Variants in PRKG1 observed in about 807,000 individuals in gnomAD.
The protein encoded by PRKG1 is protein kinase cGMP-dependent 1, also known as cGMP-dependent protein kinase 1.
Under a neutral mutation model 88.1 loss-of-function variants are expected in PRKG1, and 35 were observed. The observed-to-expected ratio is 0.40, with a 90% confidence interval of 0.30 to 0.53. PRKG1 has a LOEUF of 0.53. Among genes scored for constraint, PRKG1 ranks in the 20% least tolerant of loss-of-function variants. The pLI is 0.59. For missense variants in PRKG1, 540 were observed against 839.8 expected, an observed-to-expected ratio of 0.64 and a Z score of 4.41; for synonymous variants, 303 against 292.5, an observed-to-expected ratio of 1.04 and a Z score of -0.37.
chr10:51,211,923 A>G (rs960152613), intron 2 of PRKG1, among the ~76,000 whole-genome samples: 1 of 152,218 alleles, frequency 6.6e-6, no homozygotes, highest in African/African-American at 2.4e-5. Context: ...TGCCATCCCC[A>G]TCAAGCTAAC....
chr10:51,708,237 A>G (rs1841658455), intron 3 of PRKG1, among the ~76,000 whole-genome samples: 1 of 152,124 alleles, frequency 6.6e-6, no homozygotes, highest in South Asian at 2.1e-4. Flanking sequence ...TGCTGTGTGC[A>G]TGCACTCTGG....
intron 2 of PRKG1, among the ~76,000 whole-genome samples, chr10:51,173,650 A>G (rs1837113218): frequency 6.6e-6 from 1 of 151,950 alleles, no homozygotes; most frequent in Non-Finnish European, 1.5e-5. Flanking sequence ...CTTGCCTGTA[A>G]CTAAAATGAA....
intron 2 of PRKG1, among the ~76,000 whole-genome samples, chr10:51,154,953 AACT>A: frequency 6.6e-6 from 1 of 152,156 alleles, no homozygotes; most frequent in Admixed American, 6.6e-5. Context: ...ATATCTTAAG[AACT>A]ACTAACAATT....
intron 9 of PRKG1, among the ~76,000 whole-genome samples, chr10:52,179,529 T>C (rs771665578): frequency 1.2e-4 from 19 of 152,124 alleles, no homozygotes; most frequent in Non-Finnish European, 2.1e-4. Context: ...TCATTCTTTG[T>C]TTTTTGCTTT....
At chr10:51,370,495 A>AGTGT (rs1301923110) in intron 2 of PRKG1, among the ~76,000 whole-genome samples, 3 of 128,580 alleles carry the variant, frequency 2.3e-5, no homozygotes, top group Non-Finnish European at 3.4e-5. Flanking sequence ...AGAGAGAGAG[A>AGTGT]GTGTGTGTGT....
At chr10:51,894,862 G>A (rs1564696969) in intron 4 of PRKG1, among the ~76,000 whole-genome samples, 1 of 152,050 alleles carries the variant, frequency 6.6e-6, no homozygotes, top group Non-Finnish European at 1.5e-5. Context: ...TTATTTTATG[G>A]CAGCTATCTG....
chr10:51,830,439 T>C (rs1362493812), intron 4 of PRKG1, among the ~76,000 whole-genome samples: 1 of 152,126 alleles, frequency 6.6e-6, no homozygotes, highest in Non-Finnish European at 1.5e-5. Context: ...AGGTCATACA[T>C]ACACATTCAC....
At chr10:52,001,229 A>G (rs1844587536) in intron 5 of PRKG1, among the ~76,000 whole-genome samples, 1 of 151,810 alleles carries the variant, frequency 6.6e-6, no homozygotes, top group South Asian at 2.1e-4. Flanking sequence ...ACTTTTCTTT[A>G]CCCATTCATC....
intron 3 of PRKG1, chr10:51,697,682 A>AT: frequency 6.2e-7 from 1 of 1,612,234 alleles, no homozygotes; most frequent in Non-Finnish European, 8.5e-7. Context: ...CTACAGCCAA[A>AT]TATTTTCTAA....
intron 5 of PRKG1, among the ~76,000 whole-genome samples, chr10:51,997,045 C>G (rs1368524096): frequency 6.6e-6 from 1 of 151,434 alleles, no homozygotes; most frequent in East Asian, 2.0e-4. Flanking sequence ...TGACTTCACT[C>G]AGATGTGGAA....
At chr10:51,256,500 T>C (rs146481163) in intron 2 of PRKG1, among the ~76,000 whole-genome samples, 1 of 152,200 alleles carries the variant, frequency 6.6e-6, no homozygotes, top group Non-Finnish European at 1.5e-5. Context: ...CAGAAGAATA[T>C]GAGGTAGTCT....
At chr10:51,787,205 A>C (rs763758033) in intron 3 of PRKG1, among the ~76,000 whole-genome samples, 3 of 152,190 alleles carry the variant, frequency 2.0e-5, no homozygotes, top group Non-Finnish European at 4.4e-5. Flanking sequence ...TATTGTTTCA[A>C]AAAGTTAAAG....
intron 3 of PRKG1, among the ~76,000 whole-genome samples, chr10:51,631,336 G>C (rs946471629): frequency 6.6e-6 from 1 of 151,990 alleles, no homozygotes; most frequent in African/African-American, 2.4e-5. Flanking sequence ...GGCATGGATG[G>C]AGTGGTAAAT....
At chr10:52,147,108 G>A (rs1485179428) in intron 8 of PRKG1, among the ~76,000 whole-genome samples, 3 of 152,184 alleles carry the variant, frequency 2.0e-5, no homozygotes, top group African/African-American at 7.2e-5. Flanking sequence ...AAACAAATCT[G>A]AGACTTCAGA....
intron 1 of PRKG1, among the ~76,000 whole-genome samples, chr10:51,144,525 AC>A (rs1845895050): frequency 6.6e-6 from 1 of 152,128 alleles, no homozygotes; most frequent in Non-Finnish European, 1.5e-5. Flanking sequence ...TAGTAATACT[AC>A]TACTATAATA....
At chr10:51,143,693 T>C (rs1397416513) in intron 1 of PRKG1, among the ~76,000 whole-genome samples, 1 of 152,126 alleles carries the variant, frequency 6.6e-6, no homozygotes, top group Non-Finnish European at 1.5e-5. Context: ...GATCTCATGG[T>C]TTTGATTTGC....
chr10:51,914,505 TTATC>T (rs1842295288), intron 5 of PRKG1, among the ~76,000 whole-genome samples: 1 of 152,210 alleles, frequency 6.6e-6, no homozygotes, highest in African/African-American at 2.4e-5. Context: ...TACCATTCCT[TTATC>T]TATGTGAAGA....
intron 3 of PRKG1, among the ~76,000 whole-genome samples, chr10:51,551,332 T>A (rs768754080): frequency 6.6e-5 from 10 of 151,866 alleles, no homozygotes; most frequent in Non-Finnish European, 1.3e-4. Flanking sequence ...ACTAGAACGC[T>A]AAAATTTATT....
intron 2 of PRKG1, among the ~76,000 whole-genome samples, chr10:51,438,474 T>C (rs1353863329): frequency 6.6e-6 from 1 of 151,984 alleles, no homozygotes; most frequent in Non-Finnish European, 1.5e-5. Context: ...GTCTTGTTTT[T>C]GATGACCTTG....
Sources: allele counts gnomAD v4.1 joint callset (sites outside exome capture counted in the v4.1 genomes callset), GRCh38; gene constraint gnomAD v4.1.1; transcripts MANE v1.5; gene names NCBI Gene and HGNC (gene_info 2026-07-23, HGNC 2026-07-21).